ADGRB3: variants seen among roughly 807,000 people sequenced by gnomAD.
The protein encoded by ADGRB3 is adhesion G protein-coupled receptor B3.
Under a neutral mutation model 193.4 loss-of-function variants are expected in ADGRB3, and 37 were observed. The observed-to-expected ratio is 0.19, with a 90% CI of 0.15 to 0.25. The LOEUF (loss-of-function observed/expected upper bound fraction) is 0.25. Ranked by LOEUF, ADGRB3 falls within the 10% of genes least tolerant of loss-of-function variation. The pLI, the probability that ADGRB3 is intolerant of heterozygous loss-of-function variation, is 1.00. For synonymous variants in ADGRB3, 690 were observed against 644.2 expected, an observed-to-expected ratio of 1.07 and a Z score of -1.08; for missense variants, 1,637 against 1,852.9, an observed-to-expected ratio of 0.88 and a Z score of 2.14.
chr6:69,008,338 A>G (rs1000840991), intron 11 of ADGRB3, among the ~76,000 whole-genome samples: 4 of 152,178 alleles, frequency 2.6e-5, no homozygotes, highest in Non-Finnish European at 5.9e-5. Context: ...GCATTCAATG[A>G]CTACTACTTG....
chr6:68,638,989 A>G lies in ADGRB3; in HGVS notation c.314A>G (p.Asn105Ser). 1.9e-6 allele frequency: 3 copies of G among 1,613,870 alleles called. No individual in the cohort carries two copies. Among genetic ancestry groups the G allele is most frequent in the Non-Finnish European group, 2.5e-6 (3 of 1,179,954 alleles). Residue 105 changes from asparagine to serine, a missense_variant, in exon 3 of 32, where the codon AAT becomes AGT. Coordinates refer to ENST00000370598, the MANE Select transcript of ADGRB3 (RefSeq NM_001704.3). ...HEKIKDLLRK[N>S]HSIMQLCNSK... The stretch of plus-strand genomic sequence containing the variant: ...AAAATAAAGGATCTTTTAAGAAAGA[A>G]TCATTCTATAATGCAACTCTGCAAT...
At chr6:68,706,111 TAGTTG>T (rs1765322373) in intron 3 of ADGRB3, among the ~76,000 whole-genome samples, 1 of 152,136 alleles carries the variant, frequency 6.6e-6, no homozygotes, top group Non-Finnish European at 1.5e-5. Flanking sequence ...GGTCTAGATG[TAGTTG>T]AGAAAAGCGT....
At chr6:69,038,014 C>T (rs899585721) in intron 13 of ADGRB3, among the ~76,000 whole-genome samples, 1 of 152,124 alleles carries the variant, frequency 6.6e-6, no homozygotes, top group African/African-American at 2.4e-5. Context: ...TGTATTTGTT[C>T]ATTTGTTAAA....
chr6:69,031,816 G>A (rs1177829011), intron 13 of ADGRB3, among the ~76,000 whole-genome samples: 2 of 151,520 alleles, frequency 1.3e-5, no homozygotes, highest in Non-Finnish European at 1.5e-5. Flanking sequence ...GGTATTTTTG[G>A]TAGAGACTGG....
At chr6:69,178,697 C>G (rs1451988476) in intron 17 of ADGRB3, among the ~76,000 whole-genome samples, 4 of 152,130 alleles carry the variant, frequency 2.6e-5, no homozygotes, top group African/African-American at 9.7e-5. Flanking sequence ...TTGTTTCTCC[C>G]TTACTTATGA....
At chr6:69,069,105 A>G (rs1771995547) in intron 16 of ADGRB3, among the ~76,000 whole-genome samples, 1 of 152,180 alleles carries the variant, frequency 6.6e-6, no homozygotes, top group South Asian at 2.1e-4. Flanking sequence ...TAAAAACTGA[A>G]CATAAGACCC....
At chr6:69,046,018 T>A (rs943887950) in intron 13 of ADGRB3, among the ~76,000 whole-genome samples, 1 of 152,152 alleles carries the variant, frequency 6.6e-6, no homozygotes, top group Non-Finnish European at 1.5e-5. Flanking sequence ...ACTATATCAA[T>A]TTATGGATTT....
At chr6:68,714,674 T>C (rs1765461246) in intron 3 of ADGRB3, among the ~76,000 whole-genome samples, 1 of 151,880 alleles carries the variant, frequency 6.6e-6, no homozygotes, top group South Asian at 2.1e-4. Context: ...TAATTTGATA[T>C]ATGGTATATC....
At chr6:68,876,677 T>G (rs1237153089) in intron 3 of ADGRB3, among the ~76,000 whole-genome samples, 2 of 152,200 alleles carry the variant, frequency 1.3e-5, no homozygotes, top group African/African-American at 4.8e-5. Flanking sequence ...AATACTTTCT[T>G]TTTATGGATG....
chr6:69,193,115 T>C (rs1326022781), intron 17 of ADGRB3, among the ~76,000 whole-genome samples: 1 of 152,130 alleles, frequency 6.6e-6, no homozygotes, highest in Non-Finnish European at 1.5e-5. Flanking sequence ...GTATAGAGGA[T>C]CATCTGCCAG....
At chr6:68,739,672 A>C (rs1765939643) in intron 3 of ADGRB3, among the ~76,000 whole-genome samples, 1 of 152,140 alleles carries the variant, frequency 6.6e-6, no homozygotes, top group Non-Finnish European at 1.5e-5. Flanking sequence ...GAAAGAGAGG[A>C]GAAGTGAAAT....
intron 6 of ADGRB3, among the ~76,000 whole-genome samples, chr6:68,950,820 C>A (rs1429177144): frequency 1.3e-5 from 2 of 152,182 alleles, no homozygotes; most frequent in African/African-American, 4.8e-5. Flanking sequence ...TATAGTCCTC[C>A]AATATTTCAC....
chr6:69,193,939 G>A (rs1001214121), intron 17 of ADGRB3, among the ~76,000 whole-genome samples: 13 of 151,832 alleles, frequency 8.6e-5, no homozygotes, highest in African/African-American at 2.7e-4. Context: ...TCTGCTCTTT[G>A]GCTTTAATTT....
At chr6:69,147,857 A>G (rs1045454180) in intron 17 of ADGRB3, among the ~76,000 whole-genome samples, 2 of 152,174 alleles carry the variant, frequency 1.3e-5, no homozygotes, top group Non-Finnish European at 2.9e-5. Context: ...AAATTGATGT[A>G]TCTTCCTATT....
At chr6:69,355,931 A>G (rs1769328727) in intron 28 of ADGRB3, 71 bp downstream of exon 28, 3 of 1,321,450 alleles carry the variant, frequency 2.3e-6, no homozygotes, top group South Asian at 2.5e-5. Flanking sequence ...TTAATTTTAA[A>G]GAAAATGCTG....
At chr6:69,132,807 G>A (rs766524747) in intron 17 of ADGRB3, among the ~76,000 whole-genome samples, 2 of 152,154 alleles carry the variant, frequency 1.3e-5, no homozygotes, top group Non-Finnish European at 2.9e-5. Flanking sequence ...TTTGTATAAG[G>A]AGTAAAGAAG....
rs562469453 is a variant in ADGRB3, at chr6:68,683,963, A to G, written c.757+44531A>G. Among the ~76,000 whole-genome samples the G allele has an allele frequency of 7.4e-4, 112 of 152,168 alleles. 1 individual carries two copies. Among genetic ancestry groups the G allele is most frequent in the African/African-American group, 2.6e-3 (107 of 41,414 alleles). On this transcript the variant is annotated intron_variant, in intron 3 of 31. Coordinates refer to ENST00000370598, the MANE Select transcript of ADGRB3 (RefSeq NM_001704.3). The stretch of plus-strand genomic sequence containing the variant: ...CACTAATAAACTATCTGAAGAGGAC[A>G]TCTGCTTCTCAGCTCCTCATGACTT...
chr6:69,051,933 T>G (rs1771406930), intron 15 of ADGRB3, among the ~76,000 whole-genome samples: 1 of 152,200 alleles, frequency 6.6e-6, no homozygotes, highest in Admixed American at 6.5e-5. Flanking sequence ...CTCGCTCTGT[T>G]GCCCAGGCTG....
chr6:69,361,769 T>C (rs1769459387), intron 29 of ADGRB3, among the ~76,000 whole-genome samples: 2 of 150,496 alleles, frequency 1.3e-5, no homozygotes, highest in Non-Finnish European at 3.0e-5. Context: ...TTTAAAAAGA[T>C]ACTAATCAGT....
Sources: gnomAD v4.1 joint callset for allele counts (sites outside exome capture counted in the v4.1 genomes callset) on GRCh38, gnomAD v4.1.1 for gene constraint, MANE v1.5 for transcripts, NCBI Gene and HGNC (gene_info 2026-07-23, HGNC 2026-07-21) for gene names.